The following CCDC7 variants were observed in gnomAD, a reference collection of about 807,000 sequenced individuals.
CCDC7 encodes coiled-coil domain containing 7.
A neutral mutation model predicts 196.9 loss-of-function variants in CCDC7; 183 were observed. That is an observed-to-expected ratio of 0.93 (90% CI 0.82 to 1.05). The LOEUF (loss-of-function observed/expected upper bound fraction) is 1.05. CCDC7 is among the 50% of genes least tolerant of loss of function. The pLI is 0.00. For missense variants in CCDC7, 1,540 were observed against 1,482.2 expected, an observed-to-expected ratio of 1.04 and a Z score of -0.64; for synonymous variants, 525 against 484.6, an observed-to-expected ratio of 1.08 and a Z score of -1.10.
At chr10:32,513,132 C>A (rs1001261936) in intron 9 of CCDC7, 10 of 151,696 alleles carry the variant, frequency 6.6e-5, no homozygotes, top group African/African-American at 2.2e-4. Flanking sequence ...TGCATCAGTG[C>A]GATGGTAGCA....
chr10:32,771,185 A>G (rs2079107006), intron 28 of CCDC7, among the ~76,000 whole-genome samples: 1 of 152,204 alleles, frequency 6.6e-6, no homozygotes, highest in African/African-American at 2.4e-5. Context: ...TCAGCTTTCA[A>G]GAAATTATAT....
chr10:32,859,592 C>T (rs572402432), intron 41 of CCDC7, among the ~76,000 whole-genome samples: 7 of 151,646 alleles, frequency 4.6e-5, no homozygotes, highest in Admixed American at 2.6e-4. Context: ...AGGAGAGACA[C>T]AAAAAACCCT....
At chr10:32,882,423 G>C (rs1291880224) in intron 22 of CCDC7, among the ~76,000 whole-genome samples, 1 of 152,158 alleles carries the variant, frequency 6.6e-6, no homozygotes, top group Non-Finnish European at 1.5e-5. Flanking sequence ...GCCTAGTTGA[G>C]AAGAGGGCGT....
chr10:32,847,726 A>AT, intron 37 of CCDC7, 107 bp from the exon 39 acceptor site: 2 of 677,512 alleles, frequency 3.0e-6, no homozygotes, highest in South Asian at 2.0e-5. Context: ...AAAAAAAAAA[A>AT]GGAAAAGAAA....
At chr10:32,571,719 A>C (rs562600344) in intron 15 of CCDC7, 140 bp from the exon 17 acceptor site, 4 of 684,746 alleles carry the variant, frequency 5.8e-6, no homozygotes, top group Non-Finnish European at 8.5e-6. Flanking sequence ...AAAATATGAT[A>C]ATTTCTTTGC....
chr10:32,657,911 C>T (rs1165916289), intron 20 of CCDC7, among the ~76,000 whole-genome samples: 2 of 152,188 alleles, frequency 1.3e-5, no homozygotes, highest in East Asian at 1.9e-4. Flanking sequence ...CTCTCAAGTT[C>T]AAAATTCCAC....
At chr10:32,516,295 GT>G (rs535661093) in intron 9 of CCDC7, among the ~76,000 whole-genome samples, 4 of 147,520 alleles carry the variant, frequency 2.7e-5, no homozygotes, top group Admixed American at 1.4e-4. Context: ...GATTTTTTTT[GT>G]TTTTTTTTTG....
At chr10:32,646,075 G>A (rs1030989199) in intron 20 of CCDC7, among the ~76,000 whole-genome samples, 16 of 145,002 alleles carry the variant, frequency 1.1e-4, no homozygotes, top group South Asian at 2.3e-4. Flanking sequence ...ACTTATTTTC[G>A]GATTGTTCTT....
chr10:32,797,793 G>A (rs1592856923), intron 29 of CCDC7, among the ~76,000 whole-genome samples: 1 of 152,126 alleles, frequency 6.6e-6, no homozygotes, highest in Admixed American at 6.6e-5. Context: ...TGGCTATGGG[G>A]GAACGAGTAC....
rs567335076 is a variant in CCDC7 at position 32,671,132 on chromosome 10, C to T, written c.2122+6971C>T. On this transcript the variant is annotated intron_variant, in intron 21 of 41. Coordinates refer to ENST00000639629, the Ensembl canonical transcript of CCDC7. Reference sequence around the variant, plus strand: ...CCCAAGTGTACAGTGTTTATTAAGTCTACAGTAGTGCACAGTAATGTCCTA... The same window carrying T: ...CCCAAGTGTACAGTGTTTATTAAGTTTACAGTAGTGCACAGTAATGTCCTA... 2.6e-5 allele frequency among the ~76,000 whole-genome samples: 4 copies of T among 152,226 alleles called. No homozygotes were observed. The South Asian group carries it at 8.3e-4, about 32-fold the overall frequency.
chr10:32,498,620 T>A (rs977940157), intron 9 of CCDC7, among the ~76,000 whole-genome samples: 1 of 152,188 alleles, frequency 6.6e-6, no homozygotes, highest in Non-Finnish European at 1.5e-5. Context: ...TGTAAAGTAT[T>A]TTATTTCTCC....
At chr10:32,488,312 C>T (rs1405241070) in intron 8 of CCDC7, among the ~76,000 whole-genome samples, 3 of 152,220 alleles carry the variant, frequency 2.0e-5, no homozygotes, top group Non-Finnish European at 4.4e-5. Flanking sequence ...TCCTGGTGTG[C>T]TGTTTGCTAA....
intron 25 of CCDC7, among the ~76,000 whole-genome samples, chr10:32,716,674 A>G (rs938859129): frequency 5.3e-5 from 8 of 152,350 alleles, no homozygotes; most frequent in South Asian, 2.1e-4. Flanking sequence ...AGAGACACAC[A>G]TAGCCTCAAA....
intron 18 of CCDC7, among the ~76,000 whole-genome samples, chr10:32,610,058 T>C (rs1470429655): frequency 7.3e-6 from 1 of 137,640 alleles, no homozygotes; most frequent in Non-Finnish European, 1.5e-5. Context: ...GTGTGTGTGA[T>C]TTGTAAACTT....
intron 13 of CCDC7, among the ~76,000 whole-genome samples, chr10:32,549,775 C>A (rs566178503): frequency 2.0e-5 from 3 of 152,144 alleles, no homozygotes; most frequent in East Asian, 3.9e-4. Flanking sequence ...TGTCAGTGTG[C>A]CTGTTTTTAT....
intron 16 of CCDC7, among the ~76,000 whole-genome samples, chr10:32,579,385 C>A (rs2058527584): frequency 6.6e-6 from 1 of 152,020 alleles, no homozygotes; most frequent in African/African-American, 2.4e-5. Flanking sequence ...GCTTGGCCAG[C>A]CATTATGGAG....
chr10:32,539,323 G>C (rs1345624285), intron 11 of CCDC7, among the ~76,000 whole-genome samples: 2 of 152,048 alleles, frequency 1.3e-5, no homozygotes, highest in African/African-American at 4.8e-5. Context: ...GCATAGAGGC[G>C]ATCATAGTAG....
At chr10:32,806,960 T>C (rs1044790898) in intron 30 of CCDC7, among the ~76,000 whole-genome samples, 8 of 152,186 alleles carry the variant, frequency 5.3e-5, no homozygotes, top group Non-Finnish European at 7.4e-5. Context: ...CCAGAAGGCA[T>C]TGGGACAGCA....
intron 3 of CCDC7, among the ~76,000 whole-genome samples, chr10:32,462,473 A>G (rs2035942390): frequency 1.3e-5 from 2 of 152,136 alleles, no homozygotes; most frequent in Non-Finnish European, 2.9e-5. Context: ...TTATTTTTAA[A>G]TTCTAGAAAG....
Sources: gnomAD v4.1 joint callset for allele counts (sites outside exome capture counted in the v4.1 genomes callset) on GRCh38, gnomAD v4.1.1 for gene constraint, MANE v1.5 for transcripts, NCBI Gene and HGNC (gene_info 2026-07-23, HGNC 2026-07-21) for gene names.